Variants in ZNF475 observed in about 807,000 individuals in gnomAD.
The protein encoded by ZNF475 is zinc finger protein 475.
the ZNF475 span, among the ~76,000 whole-genome samples, chr5:122,177,752 T>C: frequency 1.3e-5 from 2 of 152,196 alleles, no homozygotes; most frequent in Non-Finnish European, 2.9e-5. Flanking sequence ...TTTTTTCTTT[T>C]TTTTTAATTA....
chr5:122,167,160 C>T, the ZNF475 span, among the ~76,000 whole-genome samples: 3 of 152,076 alleles, frequency 2.0e-5, no homozygotes, highest in Non-Finnish European at 2.9e-5. Context: ...AGAAACTGGT[C>T]GGTTATGTTT....
chr5:122,166,219 A>T, the ZNF475 span, among the ~76,000 whole-genome samples: 2 of 152,230 alleles, frequency 1.3e-5, no homozygotes, highest in Non-Finnish European at 2.9e-5. Flanking sequence ...CCCTAAAATC[A>T]ACTGTAGATG....
chr5:122,173,551 T>C, the ZNF475 span, among the ~76,000 whole-genome samples: 1 of 152,202 alleles, frequency 6.6e-6, no homozygotes, highest in Non-Finnish European at 1.5e-5. Flanking sequence ...TACACAAACC[T>C]GGCCTAAAGC....
chr5:122,171,697 T>A, the ZNF475 span, among the ~76,000 whole-genome samples: 1 of 152,084 alleles, frequency 6.6e-6, no homozygotes, highest in African/African-American at 2.4e-5. Context: ...TACTGCTCCT[T>A]CCCCTGCCAA....
chr5:122,175,943 A>C, the ZNF475 span, among the ~76,000 whole-genome samples: 1 of 152,082 alleles, frequency 6.6e-6, no homozygotes, highest in African/African-American at 2.4e-5. Context: ...CCTTGACATA[A>C]TTTTTAACTC....
chr5:122,161,382 C>CTT, the ZNF475 span, among the ~76,000 whole-genome samples: 8 of 152,136 alleles, frequency 5.3e-5, no homozygotes, highest in Non-Finnish European at 1.2e-4. Flanking sequence ...ATCACTGGTC[C>CTT]CATGTTAAAG....
the ZNF475 span, among the ~76,000 whole-genome samples, chr5:122,169,477 A>C: frequency 5.3e-5 from 8 of 152,192 alleles, no homozygotes; most frequent in Non-Finnish European, 8.8e-5. Flanking sequence ...GGAGACAGCA[A>C]AATTGAGGAC....
the ZNF475 span, among the ~76,000 whole-genome samples, chr5:122,172,333 T>C: frequency 4.6e-5 from 7 of 152,292 alleles, no homozygotes; most frequent in East Asian, 1.2e-3. Context: ...TAAAGCCAGA[T>C]ATGGTGCCAA....
the ZNF475 span, among the ~76,000 whole-genome samples, chr5:122,180,271 G>A: frequency 1.3e-5 from 2 of 152,346 alleles, no homozygotes; most frequent in East Asian, 1.9e-4. Flanking sequence ...TGGAGCATCA[G>A]CTCGCTCTAT....
the ZNF475 span, among the ~76,000 whole-genome samples, chr5:122,178,130 T>C: frequency 4.6e-5 from 7 of 152,212 alleles, no homozygotes; most frequent in Non-Finnish European, 1.0e-4. Context: ...ACATTTTCTT[T>C]ATCCAGTAAA....
At chr5:122,182,504 T>A in the ZNF475 span, 1 of 1,498,954 alleles carries the variant, frequency 6.7e-7, no homozygotes, top group Non-Finnish European at 8.8e-7. Context: ...AAGGCTTCTA[T>A]GATCTTGATG....
the ZNF475 span, among the ~76,000 whole-genome samples, chr5:122,176,608 G>A: frequency 5.9e-5 from 9 of 152,250 alleles, no homozygotes; most frequent in African/African-American, 1.7e-4. Flanking sequence ...TCCTATAACT[G>A]AGTGTAAGAC....
the ZNF475 span, among the ~76,000 whole-genome samples, chr5:122,166,394 G>A: frequency 8.6e-5 from 13 of 151,704 alleles, no homozygotes; most frequent in East Asian, 5.8e-4. Context: ...TTTGCACAAC[G>A]TGCAGGTTTG....
At chr5:122,178,978 T>C in the ZNF475 span, among the ~76,000 whole-genome samples, 1 of 152,192 alleles carries the variant, frequency 6.6e-6, no homozygotes, top group Admixed American at 6.5e-5. Context: ...CCCAATATCA[T>C]TTATTGAATA....
At chr5:122,167,439 G>T in the ZNF475 span, among the ~76,000 whole-genome samples, 1 of 151,952 alleles carries the variant, frequency 6.6e-6, no homozygotes, top group African/African-American at 2.4e-5. Flanking sequence ...TTTGAACTAG[G>T]AAAACTTCTT....
At chr5:122,168,624 A>G in the ZNF475 span, among the ~76,000 whole-genome samples, 20 of 152,156 alleles carry the variant, frequency 1.3e-4, no homozygotes, top group Non-Finnish European at 2.1e-4. Context: ...GAGGCAGGAG[A>G]ATGGCGTGAA....
At chr5:122,166,702 T>C in the ZNF475 span, among the ~76,000 whole-genome samples, 2 of 152,272 alleles carry the variant, frequency 1.3e-5, no homozygotes, top group Non-Finnish European at 2.9e-5. Flanking sequence ...TATTCCATGG[T>C]GTACATGTGC....
the ZNF475 span, among the ~76,000 whole-genome samples, chr5:122,161,412 G>C: frequency 6.6e-6 from 1 of 152,242 alleles, no homozygotes; most frequent in African/African-American, 2.4e-5. Context: ...ATTGGAGGCA[G>C]AGAGTAGAAA....
the ZNF475 span, among the ~76,000 whole-genome samples, chr5:122,168,751 T>G: frequency 1.3e-4 from 20 of 152,320 alleles, no homozygotes; most frequent in East Asian, 3.7e-3. Context: ...CTGGCCCATT[T>G]CTTAATCTGA....
Sources: allele counts gnomAD v4.1 joint callset (sites outside exome capture counted in the v4.1 genomes callset), GRCh38; gene constraint gnomAD v4.1.1; transcripts MANE v1.5; gene names NCBI Gene and HGNC (gene_info 2026-07-23, HGNC 2026-07-21).